The following SNTG1 variants were observed in gnomAD, a reference collection of about 807,000 sequenced individuals.
SNTG1 encodes gamma-1-syntrophin.
Under a neutral mutation model 74.7 loss-of-function variants are expected in SNTG1, and 39 were observed. That is an observed-to-expected ratio of 0.52 (90% confidence interval 0.40 to 0.68). The LOEUF (loss-of-function observed/expected upper bound fraction) is 0.68, where lower values mean the gene tolerates loss of function less well. Among genes scored for constraint, SNTG1 ranks in the 30% least tolerant of loss-of-function variants. SNTG1 has a pLI of 0.00. For synonymous variants in SNTG1, 254 were observed against 217.1 expected (o/e 1.17, Z -1.49); for missense variants, 685 against 609.5 (o/e 1.12, Z -1.30).
rs550606344 is a variant in SNTG1 at position 50,662,269 on chromosome 8, T to A, written c.1038+3606T>A. Among the ~76,000 whole-genome samples the A allele has an allele frequency of 3.0e-3, 456 of 152,316 alleles. 3 individuals are homozygous for A. The highest frequency in any genetic ancestry group is 0.011 in the African/African-American group (438 of 41,576). The stretch of plus-strand genomic sequence containing the variant: ...TAAAAGTCAGATTTGAATGTCTGGA[T>A]CACAGAAGAACTTGCCTGTGACCAT... On this transcript the variant is annotated intron_variant, in intron 15 of 18. Transcript: ENST00000642720.
intron 8 of SNTG1, among the ~76,000 whole-genome samples, chr8:50,489,497 G>C (rs1310079222): frequency 6.6e-6 from 1 of 152,148 alleles, no homozygotes; most frequent in Non-Finnish European, 1.5e-5. Flanking sequence ...ATCTCATTGT[G>C]GTTTTGATTT....
intron 1 of SNTG1, among the ~76,000 whole-genome samples, chr8:50,022,487 G>T (rs1816913509): frequency 6.6e-6 from 1 of 152,160 alleles, no homozygotes; most frequent in East Asian, 1.9e-4. Flanking sequence ...AGTAGAAGAG[G>T]CAGATTATTA....
intron 5 of SNTG1, among the ~76,000 whole-genome samples, chr8:50,439,816 T>C (rs1403157679): frequency 7.1e-6 from 1 of 141,178 alleles, no homozygotes; most frequent in Non-Finnish European, 1.5e-5. Context: ...TAAAATCCAA[T>C]AGTGAGAGCT....
Position 50,796,232 on chromosome 8 carries a change from C to T in SNTG1, c.*3403C>T, listed in dbSNP as rs1035424965. On this transcript the variant is annotated 3_prime_UTR_variant, in exon 19 of 19. Transcript: ENST00000642720. ...GCAGTGTGGAGAAGCTTTAAAAGCA[C>T]AAGGATGATCTTGTGCTTAACTTTT... 6.6e-6 allele frequency: 1 copy of T among 151,964 alleles called. No individual in the cohort carries two copies. The highest frequency in any genetic ancestry group is 6.6e-5 in the Admixed American group (1 of 15,248). 9.4% of individuals were successfully genotyped at this position (151,964 alleles called of 1,614,324 possible). A position where few individuals can be genotyped will look rare whatever the true frequency, so the allele number is the denominator to read the frequency against.
At chr8:50,305,337 G>T (rs1157324852) in intron 2 of SNTG1, among the ~76,000 whole-genome samples, 2 of 151,866 alleles carry the variant, frequency 1.3e-5, no homozygotes, top group African/African-American at 2.4e-5. Flanking sequence ...TTTTGCTCGG[G>T]TGATAAAACA....
At chr8:50,570,902 G>A (rs1046186546) in intron 12 of SNTG1, among the ~76,000 whole-genome samples, 5 of 151,694 alleles carry the variant, frequency 3.3e-5, no homozygotes, top group African/African-American at 4.8e-5. Flanking sequence ...CCACACCTCT[G>A]GCTCTTATTT....
At chr8:50,578,045 T>G (rs1208695401) in intron 12 of SNTG1, among the ~76,000 whole-genome samples, 6 of 152,206 alleles carry the variant, frequency 3.9e-5, no homozygotes, top group Non-Finnish European at 7.4e-5. Context: ...CCTCAAAAGA[T>G]AGCTAATTTT....
intron 8 of SNTG1, among the ~76,000 whole-genome samples, chr8:50,458,957 G>A (rs1021227353): frequency 6.6e-6 from 1 of 152,068 alleles, no homozygotes; most frequent in Non-Finnish European, 1.5e-5. Context: ...TTTGTCAGTT[G>A]TGCTTTTGGT....
chr8:50,013,464 G>GAGATAGATAGAT (rs56718258), intron 1 of SNTG1, among the ~76,000 whole-genome samples: 11 of 148,414 alleles, frequency 7.4e-5, no homozygotes, highest in East Asian at 2.0e-4. Context: ...TGGGGATAGA[G>GAGATAGATAGAT]AGATAGATAG....
intron 12 of SNTG1, among the ~76,000 whole-genome samples, chr8:50,583,778 T>C (rs1046711694): frequency 2.0e-5 from 3 of 152,056 alleles, no homozygotes; most frequent in East Asian, 1.9e-4. Flanking sequence ...CTTTTCTTTT[T>C]TTTTTTAATT....
chr8:50,215,392 GTATATATACTATA>G (rs1236411985), intron 2 of SNTG1, among the ~76,000 whole-genome samples: 22 of 146,400 alleles, frequency 1.5e-4, no homozygotes, highest in East Asian at 7.9e-4. Flanking sequence ...ATATATATGT[GTATATATACTATA>G]TATATATACT....
rs145762080 is a variant in SNTG1 at position 50,339,908 on chromosome 8, A to G, written c.-27-54304A>G. Among the ~76,000 whole-genome samples the G allele has an allele frequency of 1.6e-3, 243 of 152,014 alleles. 2 individuals are homozygous for G. The highest frequency in any genetic ancestry group is 0.01 in the Middle Eastern group (3 of 290). ...TGTAGATAAAAATAAACAAGAGTAA[A>G]CTATGTATTGTGTACAAGAAATCCA... On this transcript the variant is annotated intron_variant, in intron 2 of 18. Coordinates refer to ENST00000642720, the MANE Select transcript of SNTG1 (RefSeq NM_018967.5).
chr8:50,016,339 T>G (rs1203967092), intron 1 of SNTG1, among the ~76,000 whole-genome samples: 1 of 152,122 alleles, frequency 6.6e-6, no homozygotes, highest in Non-Finnish European at 1.5e-5. Context: ...AATTTTTCAC[T>G]CAGCTCATGA....
At chr8:50,285,964 T>G (rs1014536868) in intron 2 of SNTG1, among the ~76,000 whole-genome samples, 19 of 152,192 alleles carry the variant, frequency 1.2e-4, no homozygotes, top group African/African-American at 4.6e-4. Flanking sequence ...CTTTTTCTAT[T>G]TCAATATTAT....
chr8:50,236,493 C>G lies in SNTG1; in HGVS notation c.-28+63858C>G, dbSNP rs1376009109. Among the ~76,000 whole-genome samples the G allele has an allele frequency of 4.2e-5, 6 of 144,198 alleles. No homozygotes were observed. The East Asian group carries it at 1.3e-3, about 30-fold the overall frequency. The allele number at this position is 144,198 out of a possible 152,430, so 94.6% of individuals were successfully genotyped here. A position where few individuals can be genotyped will look rare whatever the true frequency, so the allele number is the denominator to read the frequency against. ...TGAGACGCAGTCTCGCTCTTTAGGC[C>G]AGGCTGGAGTGCAGTGGCGCTATCC... On this transcript the variant is annotated intron_variant, in intron 2 of 18. Coordinates refer to ENST00000642720, the MANE Select transcript of SNTG1 (RefSeq NM_018967.5).
At chr8:50,280,120 A>G (rs974212007) in intron 2 of SNTG1, among the ~76,000 whole-genome samples, 1 of 152,212 alleles carries the variant, frequency 6.6e-6, no homozygotes, top group African/African-American at 2.4e-5. Flanking sequence ...GGCCTCCTAC[A>G]GTCATATTTT....
chr8:50,105,495 T>G (rs540748854), intron 1 of SNTG1, among the ~76,000 whole-genome samples: 15 of 143,678 alleles, frequency 1.0e-4, no homozygotes, highest in African/African-American at 3.2e-4. Flanking sequence ...TTTTGTTTTG[T>G]TTTTTTTGCT....
intron 3 of SNTG1, among the ~76,000 whole-genome samples, chr8:50,397,252 G>T (rs115807985): frequency 0.011 from 1,634 of 152,280 alleles, 32 homozygotes; most frequent in African/African-American, 0.037. Context: ...AGTCAACGAA[G>T]TTTGGAGACA....
At chr8:50,606,053 G>A (rs566306686) in intron 13 of SNTG1, among the ~76,000 whole-genome samples, 1 of 152,116 alleles carries the variant, frequency 6.6e-6, no homozygotes, top group South Asian at 2.1e-4. Context: ...TTTTGCATTG[G>A]TGTTCATCAT....
Sources: allele counts gnomAD v4.1 joint callset (sites outside exome capture counted in the v4.1 genomes callset), GRCh38; gene constraint gnomAD v4.1.1; transcripts MANE v1.5; gene names NCBI Gene and HGNC (gene_info 2026-07-23, HGNC 2026-07-21).